EXOC4: variants seen among roughly 807,000 people sequenced by gnomAD.
EXOC4 encodes exocyst complex component 4, also known as SEC8-like 1.
In EXOC4, 71 loss-of-function variants were observed where a neutral mutation model predicts 107.2. The ratio of observed to expected loss-of-function variants is 0.66; its 90% CI spans 0.55 to 0.81. The LOEUF (loss-of-function observed/expected upper bound fraction) is 0.81. Ranked by LOEUF, EXOC4 falls within the 30% of genes least tolerant of loss-of-function variation. The pLI, the probability that EXOC4 is intolerant of heterozygous loss-of-function variation, is 0.00. For synonymous variants in EXOC4, 456 were observed against 441.2 expected, an observed-to-expected ratio of 1.03 and a Z score of -0.42; for missense variants, 1,108 against 1,189.6, an observed-to-expected ratio of 0.93 and a Z score of 1.01.
At chr7:133,813,388 G>C (rs1485497723) in intron 10 of EXOC4, among the ~76,000 whole-genome samples, 2 of 152,100 alleles carry the variant, frequency 1.3e-5, no homozygotes, top group Non-Finnish European at 2.9e-5. Context: ...CTTTTCCAAA[G>C]TCCCTTTGAA....
intron 5 of EXOC4, among the ~76,000 whole-genome samples, chr7:133,325,803 G>A (rs1046276405): frequency 1.3e-5 from 2 of 152,154 alleles, no homozygotes; most frequent in African/African-American, 4.8e-5. Flanking sequence ...TTCCTGCAGA[G>A]TGTTTTCCAA....
At chr7:133,418,704 A>G (rs1255865273) in intron 7 of EXOC4, among the ~76,000 whole-genome samples, 1 of 152,164 alleles carries the variant, frequency 6.6e-6, no homozygotes, top group African/African-American at 2.4e-5. Flanking sequence ...TTCTGCATGC[A>G]TCACTCTGTG....
At chr7:133,580,543 AAGTTGC>A (rs1563115183) in intron 9 of EXOC4, among the ~76,000 whole-genome samples, 2 of 152,176 alleles carry the variant, frequency 1.3e-5, no homozygotes, top group Non-Finnish European at 2.9e-5. Flanking sequence ...TAAGTTACAA[AAGTTGC>A]GTATTGTAGA....
chr7:133,843,098 G>A (rs1462678427), intron 11 of EXOC4, among the ~76,000 whole-genome samples: 1 of 152,120 alleles, frequency 6.6e-6, no homozygotes, highest in African/African-American at 2.4e-5. Context: ...GTTGGGTATT[G>A]TGATGCCTCC....
chr7:133,667,396 A>C (rs1793844895), intron 10 of EXOC4, among the ~76,000 whole-genome samples: 1 of 152,188 alleles, frequency 6.6e-6, no homozygotes, highest in Non-Finnish European at 1.5e-5. Context: ...GTGAGTATAG[A>C]TGGCTGTTTT....
intron 7 of EXOC4, among the ~76,000 whole-genome samples, chr7:133,443,908 G>A (rs1181023071): frequency 2.6e-5 from 4 of 152,210 alleles, no homozygotes; most frequent in Non-Finnish European, 2.9e-5. Context: ...AGGAAAGCTT[G>A]GAGTGTGGCC....
chr7:133,467,705 A>G (rs1268359466), intron 7 of EXOC4, among the ~76,000 whole-genome samples: 4 of 150,932 alleles, frequency 2.7e-5, no homozygotes, highest in African/African-American at 9.8e-5. Flanking sequence ...AGATGCCCTA[A>G]ATTTTCCCAT....
chr7:133,336,558 GTTGT>G (rs953225719), intron 5 of EXOC4, among the ~76,000 whole-genome samples: 57 of 151,994 alleles, frequency 3.8e-4, no homozygotes, highest in African/African-American at 1.3e-3. Context: ...TGTTATCAGT[GTTGT>G]TTAATTTTCA....
chr7:133,441,558 T>C (rs896425455), intron 7 of EXOC4, among the ~76,000 whole-genome samples: 7 of 151,916 alleles, frequency 4.6e-5, no homozygotes, highest in African/African-American at 1.7e-4. Context: ...GCCTGGCTAA[T>C]TTTTGTATTT....
chr7:134,096,395 T>C, the EXOC4 span, among the ~76,000 whole-genome samples: 2 of 152,230 alleles, frequency 1.3e-5, no homozygotes, highest in African/African-American at 4.8e-5. Flanking sequence ...TAGAGGATTT[T>C]TTAGAAGACC....
intron 7 of EXOC4, among the ~76,000 whole-genome samples, chr7:133,430,323 G>A (rs1364518815): frequency 2.0e-5 from 3 of 152,116 alleles, no homozygotes; most frequent in Admixed American, 1.3e-4. Flanking sequence ...GGGGCATGGC[G>A]GGCCAGGGTG....
At chr7:133,949,818 C>T (rs1441083926) in intron 14 of EXOC4, among the ~76,000 whole-genome samples, 1 of 152,166 alleles carries the variant, frequency 6.6e-6, no homozygotes, top group Admixed American at 6.5e-5. Context: ...TTTTATATTT[C>T]CAAACCAGCC....
intron 10 of EXOC4, among the ~76,000 whole-genome samples, chr7:133,671,330 G>A (rs80356331): frequency 1.2e-4 from 18 of 152,184 alleles, no homozygotes; most frequent in East Asian, 3.9e-4. Context: ...TTGAGAGGCC[G>A]AGGCAGGTGG....
chr7:133,660,035 G>T (rs1562896054), intron 10 of EXOC4, among the ~76,000 whole-genome samples: 1 of 152,152 alleles, frequency 6.6e-6, no homozygotes, highest in Non-Finnish European at 1.5e-5. Flanking sequence ...CCACCAACCT[G>T]CAGTGTCATG....
rs922709312 is a variant in EXOC4, at chr7:133,451,504, A to ATG, written c.1183-23823_1183-23822insGT. On this transcript the variant is annotated intron_variant, in intron 7 of 17. Transcript: ENST00000253861. Reference sequence around the variant, plus strand: ...TAATTTACTAATATTTTATTTGTTAATATGAGAAAATTATTTCTCTTGTAT... The same window carrying ATG: ...TAATTTACTAATATTTTATTTGTTAATGTATGAGAAAATTATTTCTCTTGTAT... 6.0e-3 allele frequency among the ~76,000 whole-genome samples: 245 copies of ATG among 41,170 alleles called. 1 individual carries two copies. Among genetic ancestry groups the ATG allele is most frequent in the African/African-American group, 0.033 (231 of 7,048 alleles). 27.0% of individuals were successfully genotyped at this position (41,170 alleles called of 152,430 possible). A position where few individuals can be genotyped will look rare whatever the true frequency, so the allele number is the denominator to read the frequency against.
intron 12 of EXOC4, among the ~76,000 whole-genome samples, chr7:133,910,858 A>G (rs1799678011): frequency 6.6e-6 from 1 of 152,162 alleles, no homozygotes; most frequent in African/African-American, 2.4e-5. Flanking sequence ...GGCTGTCACC[A>G]AACAATTGAA....
chr7:134,100,271 G>C, the EXOC4 span, among the ~76,000 whole-genome samples: 5 of 73,602 alleles, frequency 6.8e-5, no homozygotes, highest in Non-Finnish European at 1.3e-4. Context: ...GGAACCATTA[G>C]AAGCCAGGGA....
intron 5 of EXOC4, among the ~76,000 whole-genome samples, chr7:133,338,748 CTT>C (rs67620822): frequency 0.39 from 34,320 of 87,576 alleles, 6,164 homozygotes; most frequent in African/African-American, 0.56. Flanking sequence ...ATGGTGTAGT[CTT>C]TTTTTTTTTT....
intron 17 of EXOC4, among the ~76,000 whole-genome samples, chr7:134,048,107 A>G (rs148709024): frequency 6.6e-6 from 1 of 152,362 alleles, no homozygotes; most frequent in East Asian, 1.9e-4. Flanking sequence ...TGGGGGCCAC[A>G]AGACCAGATG....
Sources: allele counts gnomAD v4.1 joint callset (sites outside exome capture counted in the v4.1 genomes callset), GRCh38; gene constraint gnomAD v4.1.1; transcripts MANE v1.5; gene names NCBI Gene and HGNC (gene_info 2026-07-23, HGNC 2026-07-21).